Variants in SLC9A9 observed in about 807,000 individuals in gnomAD.
The protein encoded by SLC9A9 is sodium/hydrogen exchanger 9.
A neutral mutation model predicts 77.8 loss-of-function variants in SLC9A9; 62 were observed. The ratio of observed to expected loss-of-function variants is 0.80; its 90% CI spans 0.65 to 0.98. The LOEUF (loss-of-function observed/expected upper bound fraction) is 0.98, where lower values mean the gene tolerates loss of function less well. Ranked by LOEUF, SLC9A9 falls within the 50% of genes least tolerant of loss-of-function variation. The pLI is 0.00. For synonymous variants in SLC9A9, 320 were observed against 283.5 expected, an observed-to-expected ratio of 1.13 and a Z score of -1.29; for missense variants, 775 against 774.9, an observed-to-expected ratio of 1.00 and a Z score of 0.00.
chr3:143,612,242 T>C (rs1412828281), intron 6 of SLC9A9, among the ~76,000 whole-genome samples: 1 of 152,222 alleles, frequency 6.6e-6, no homozygotes, highest in Non-Finnish European at 1.5e-5. Flanking sequence ...TACAGCAGCA[T>C]AGCAGTTAAA....
chr3:143,741,162 TA>T (rs527373920), intron 4 of SLC9A9, among the ~76,000 whole-genome samples: 1 of 152,176 alleles, frequency 6.6e-6, no homozygotes, highest in South Asian at 2.1e-4. Context: ...CATTCTCCAG[TA>T]AAAGGAATTA....
chr3:143,338,425 G>T (rs2031990015), intron 14 of SLC9A9, among the ~76,000 whole-genome samples: 1 of 152,114 alleles, frequency 6.6e-6, no homozygotes, highest in South Asian at 2.1e-4. Flanking sequence ...ACACCTTCAT[G>T]AAACCCATGG....
At chr3:143,563,061 A>C (rs140889358) in intron 8 of SLC9A9, among the ~76,000 whole-genome samples, 1 of 152,298 alleles carries the variant, frequency 6.6e-6, no homozygotes, top group Admixed American at 6.5e-5. Context: ...TCATTTACAC[A>C]ATTTTGGATA....
chr3:143,712,797 G>C (rs10513221), intron 4 of SLC9A9, among the ~76,000 whole-genome samples: 63,016 of 152,048 alleles, frequency 0.41, 14,360 homozygotes, highest in South Asian at 0.55. Context: ...TTAGTAAGCT[G>C]TTTTCAACAA....
At chr3:143,360,736 G>A (rs536889215) in intron 14 of SLC9A9, among the ~76,000 whole-genome samples, 29 of 152,084 alleles carry the variant, frequency 1.9e-4, no homozygotes, top group Admixed American at 1.6e-3. Context: ...AATTAAGAGG[G>A]GTTTTCTATC....
At chr3:143,435,399 G>A (rs558219189) in intron 12 of SLC9A9, among the ~76,000 whole-genome samples, 10 of 152,230 alleles carry the variant, frequency 6.6e-5, no homozygotes, top group Middle Eastern at 3.4e-3. Context: ...CAAAGTCAAA[G>A]TTTTCAAAGT....
chr3:143,713,678 T>C (rs1934256015), intron 4 of SLC9A9, among the ~76,000 whole-genome samples: 1 of 152,182 alleles, frequency 6.6e-6, no homozygotes, highest in Admixed American at 6.5e-5. Flanking sequence ...AGAAAACAGG[T>C]ACATGTATTG....
intron 9 of SLC9A9, chr3:143,517,864 A>C (rs2036230470): frequency 6.3e-7 from 1 of 1,578,422 alleles, no homozygotes. Context: ...TTAGGGCTTC[A>C]ATAGCAGCCA....
intron 4 of SLC9A9, among the ~76,000 whole-genome samples, chr3:143,779,473 G>A (rs1158973552): frequency 2.0e-5 from 3 of 152,128 alleles, no homozygotes; most frequent in Non-Finnish European, 4.4e-5. Flanking sequence ...CTGGGTTCAA[G>A]CAATCCTCCT....
At chr3:143,485,570 C>A (rs966382649) in intron 11 of SLC9A9, among the ~76,000 whole-genome samples, 1 of 151,978 alleles carries the variant, frequency 6.6e-6, no homozygotes, top group Non-Finnish European at 1.5e-5. Context: ...CAGTCTACAA[C>A]AACAAAATTA....
chr3:143,766,707 C>A (rs768498653), intron 4 of SLC9A9, among the ~76,000 whole-genome samples: 1 of 152,112 alleles, frequency 6.6e-6, no homozygotes, highest in Non-Finnish European at 1.5e-5. Context: ...ATAGTTGGAA[C>A]TACAGGTGCC....
Position 143,486,123 on chromosome 3 carries a change from T to A in SLC9A9, c.1315+7530A>T, listed in dbSNP as rs577283833. On this transcript the variant is annotated intron_variant, in intron 11 of 15. Transcript: ENST00000316549. Reference sequence around the variant, plus strand: ...GAGGTCAGAAGGCAGTAAGCTGATATAGTCAAAACGCTAAAAGAAAAAAAT... The same window carrying A: ...GAGGTCAGAAGGCAGTAAGCTGATAAAGTCAAAACGCTAAAAGAAAAAAAT... 3.9e-5 allele frequency among the ~76,000 whole-genome samples: 6 copies of A among 152,166 alleles called. No homozygotes were observed. The East Asian group carries it at 1.2e-3, about 29-fold the overall frequency.
intron 12 of SLC9A9, among the ~76,000 whole-genome samples, chr3:143,428,226 T>C (rs917220248): frequency 8.6e-5 from 13 of 151,088 alleles, no homozygotes; most frequent in African/African-American, 3.2e-4. Flanking sequence ...GAACACTCAA[T>C]AGCAAAAAAA....
At chr3:143,642,262 G>A (rs1225035808) in intron 6 of SLC9A9, among the ~76,000 whole-genome samples, 2 of 152,182 alleles carry the variant, frequency 1.3e-5, no homozygotes, top group Non-Finnish European at 2.9e-5. Flanking sequence ...GTAAGTGTAA[G>A]TAATCCTTAT....
At chr3:143,758,597 T>A (rs2007007931) in intron 4 of SLC9A9, among the ~76,000 whole-genome samples, 1 of 152,066 alleles carries the variant, frequency 6.6e-6, no homozygotes, top group Non-Finnish European at 1.5e-5. Flanking sequence ...GGGGTAGTGG[T>A]GTGGGAATAT....
In SLC9A9 at chr3:143,734,838, T is replaced by C. The variant is rs143604822; in HGVS notation, c.534-41531A>G. ...AGCTGGGAGGTGAACTAAGGTCAAA[T>C]AACATGACCATGCTGTTTATTCTAT... is the stretch of plus-strand genomic sequence containing the variant. On this transcript the variant is annotated intron_variant, in intron 4 of 15. Transcript: ENST00000316549. Among the ~76,000 whole-genome samples the C allele has an allele frequency of 1.8e-3, 271 of 151,776 alleles. 1 individual carries two copies. The highest frequency in any genetic ancestry group is 5.9e-3 in the African/African-American group (243 of 41,392).
chr3:143,549,552 G>C (rs1292055364), intron 9 of SLC9A9, among the ~76,000 whole-genome samples: 1 of 152,180 alleles, frequency 6.6e-6, no homozygotes. Flanking sequence ...GGGATATGCA[G>C]TTACCTAGAT....
chr3:143,300,681 A>C (rs746688488), intron 14 of SLC9A9, among the ~76,000 whole-genome samples: 141 of 152,300 alleles, frequency 9.3e-4, no homozygotes, highest in Non-Finnish European at 1.6e-3. Context: ...TGTACATCAG[A>C]ATCTTTGGAG....
chr3:143,327,264 G>GA (rs201592118), intron 14 of SLC9A9, among the ~76,000 whole-genome samples: 1,654 of 151,408 alleles, frequency 0.011, 31 homozygotes, highest in African/African-American at 0.038. Flanking sequence ...ATTAATTAGA[G>GA]AAAAAAAAAT....
Sources: gnomAD v4.1 joint callset for allele counts (sites outside exome capture counted in the v4.1 genomes callset) on GRCh38, gnomAD v4.1.1 for gene constraint, MANE v1.5 for transcripts, NCBI Gene and HGNC (gene_info 2026-07-23, HGNC 2026-07-21) for gene names.